Variants in FGFR2 observed in about 807,000 individuals in gnomAD.
FGFR2 encodes the protein fibroblast growth factor receptor 2.
A neutral mutation model predicts 95.9 loss-of-function variants in FGFR2; 19 were observed. That is an observed-to-expected ratio of 0.20 (90% CI 0.14 to 0.29). FGFR2 has a LOEUF of 0.29. Among genes scored for constraint, FGFR2 ranks in the 10% least tolerant of loss-of-function variants. The pLI is 1.00. For missense variants in FGFR2, 707 were observed against 1,056.9 expected (o/e 0.67, Z 4.59); for synonymous variants, 392 against 393.3 (o/e 1.00, Z 0.04).
At chr10:121,554,278 T>G (rs1007519341) in intron 4 of FGFR2, among the ~76,000 whole-genome samples, 14 of 151,712 alleles carry the variant, frequency 9.2e-5, no homozygotes, top group African/African-American at 3.1e-4. Context: ...AGCCTCTCTT[T>G]AAATATCAAG....
At chr10:121,568,224 G>A (rs1283440622) in intron 2 of FGFR2, among the ~76,000 whole-genome samples, 1 of 152,152 alleles carries the variant, frequency 6.6e-6, no homozygotes, top group Non-Finnish European at 1.5e-5. Flanking sequence ...CATGAGAGCT[G>A]AAGGGGCCCC....
At chr10:121,493,979 A>C (rs914716625) in intron 13 of FGFR2, among the ~76,000 whole-genome samples, 4 of 151,260 alleles carry the variant, frequency 2.6e-5, no homozygotes, top group Non-Finnish European at 5.9e-5. Context: ...CATTATCCCA[A>C]GAGCAAAATA....
At chr10:121,577,172 TATATATAG>T (rs1466150428) in intron 2 of FGFR2, among the ~76,000 whole-genome samples, 1 of 3,154 alleles carries the variant, frequency 3.2e-4, no homozygotes, top group African/African-American at 1.4e-3. Flanking sequence ...TATATATATA[TATATATAG>T]AGAGAGAGAG....
At chr10:121,576,740 C>T (rs1243354637) in intron 2 of FGFR2, among the ~76,000 whole-genome samples, 2 of 152,100 alleles carry the variant, frequency 1.3e-5, no homozygotes, top group Non-Finnish European at 2.9e-5. Context: ...TCTCAACAGA[C>T]AGCTATACCC....
At chr10:121,512,162 C>T (rs1387483520) in intron 9 of FGFR2, among the ~76,000 whole-genome samples, 1 of 152,188 alleles carries the variant, frequency 6.6e-6, no homozygotes, top group African/African-American at 2.4e-5. Flanking sequence ...CTTGACACAT[C>T]TGATTAGAGG....
Position 121,485,291 on chromosome 10 carries a change from A to G in FGFR2, c.2195+104T>C, listed in dbSNP as rs1845262587. ...GAGCTTCAGCCATTCTTCTTAGAGC[A>G]TGTTTAGGAAACCAGGGGCCTTCAA... is the stretch of plus-strand genomic sequence containing the variant. On this transcript the variant is annotated intron_variant, in intron 16 of 17. Transcript: ENST00000358487. The surrounding 1 kb of genome is among the most constrained non-coding windows in gnomAD (Gnocchi z 4.2). The G allele has an allele frequency of 1.3e-6, 2 of 1,487,266 alleles. No homozygotes were observed. The highest frequency in any genetic ancestry group is 1.9e-6 in the Non-Finnish European group (2 of 1,067,548). 92.1% of individuals were successfully genotyped at this position (1,487,266 alleles called of 1,614,324 possible). A position where few individuals can be genotyped will look rare whatever the true frequency, so the allele number is the denominator to read the frequency against.
chr10:121,572,286 C>T (rs2135230185), intron 2 of FGFR2, among the ~76,000 whole-genome samples: 1 of 152,152 alleles, frequency 6.6e-6, no homozygotes, highest in South Asian at 2.1e-4. Flanking sequence ...CCACTGCATT[C>T]CTGCCTGGGT....
chr10:121,592,438 C>A (rs1239965409), intron 2 of FGFR2, among the ~76,000 whole-genome samples: 1 of 152,126 alleles, frequency 6.6e-6, no homozygotes, highest in Non-Finnish European at 1.5e-5. Flanking sequence ...GAGATGTCAC[C>A]ACACCTGTTA....
chr10:121,573,220 G>A (rs1299986847), intron 2 of FGFR2, among the ~76,000 whole-genome samples: 1 of 152,214 alleles, frequency 6.6e-6, no homozygotes, highest in Non-Finnish European at 1.5e-5. Flanking sequence ...CCTGAGTCTT[G>A]CCCCGTCCAA....
chr10:121,503,734 T>C, intron 10 of FGFR2, 56 bp downstream of exon 10: 1 of 1,588,540 alleles, frequency 6.3e-7, no homozygotes, highest in Non-Finnish European at 8.6e-7. Context: ...GTTAATCCAA[T>C]ATCCCCATTT....
intron 17 of FGFR2, chr10:121,480,253 CCACGT>C (rs1589694094): frequency 3.2e-6 from 2 of 621,328 alleles, no homozygotes; most frequent in East Asian, 5.7e-5. Flanking sequence ...CTCCCTGAGA[CCACGT>C]CTGATGTACC....
In FGFR2 at chr10:121,520,015, G is replaced by A. The variant is rs768862267; in HGVS notation, c.903C>T (p.Tyr301=). 7 of 1,614,204 alleles carry A rather than the reference G, an allele frequency of 4.3e-6. No homozygotes were observed. Among genetic ancestry groups the A allele is most frequent in the Non-Finnish European group, 2.5e-6 (3 of 1,180,028 alleles). The change falls in exon 7 of 18, where the codon TAC becomes TAT. Residue 301 remains tyrosine (Y), a synonymous_variant. Transcript: ENST00000358487. ...TGAGGTAGGGCAGCCCGTCGGGCCC[G>A]TATTTACTGCCGTTCTTTTCCACGT... ...IKHVEKNGSK[Y]GPDGLPYLKV... is the part of the protein sequence containing the mutation.
At chr10:121,511,248 A>G (rs1849025797) in intron 9 of FGFR2, among the ~76,000 whole-genome samples, 1 of 152,108 alleles carries the variant, frequency 6.6e-6, no homozygotes, top group Non-Finnish European at 1.5e-5. Context: ...TAAGCTGCAC[A>G]GGAGATGAAT....
intron 13 of FGFR2, among the ~76,000 whole-genome samples, chr10:121,489,148 C>A (rs551114570): frequency 1.8e-4 from 28 of 152,292 alleles, no homozygotes; most frequent in Non-Finnish European, 3.8e-4. Context: ...TCTTGGCTCA[C>A]CGCAACCTCC....
chr10:121,570,387 T>G (rs2135195023), intron 2 of FGFR2, among the ~76,000 whole-genome samples: 1 of 152,330 alleles, frequency 6.6e-6, no homozygotes, highest in African/African-American at 2.4e-5. Flanking sequence ...TGTGCCTGCA[T>G]GTGCAAAGGG....
Position 121,564,439 on chromosome 10 carries a change from G to T in FGFR2, c.454+63C>A. On this transcript the variant is annotated intron_variant, in intron 4 of 17. Coordinates refer to ENST00000358487, the MANE Select transcript of FGFR2 (RefSeq NM_000141.5). ...CAGAAGAGTCGACAAGAAGACAGGT[G>T]ACAGGCAGAACTTCCCTCCATGCTC... The T allele has an allele frequency of 2.1e-6, 3 of 1,448,556 alleles. No homozygotes were observed. In the South Asian group the frequency reaches 3.4e-5, roughly 17 times the overall value. The allele number at this position is 1,448,556 out of a possible 1,614,324, so 89.7% of individuals were successfully genotyped here. A position where few individuals can be genotyped will look rare whatever the true frequency, so the allele number is the denominator to read the frequency against.
intron 4 of FGFR2, among the ~76,000 whole-genome samples, chr10:121,555,682 A>T (rs1406370651): frequency 6.6e-6 from 1 of 152,208 alleles, no homozygotes; most frequent in Non-Finnish European, 1.5e-5. Flanking sequence ...CTGGTTAAAG[A>T]ACAGTCAGAC....
intron 5 of FGFR2, among the ~76,000 whole-genome samples, chr10:121,545,298 T>C (rs1854338074): frequency 6.6e-6 from 1 of 152,260 alleles, no homozygotes; most frequent in Admixed American, 6.5e-5. Context: ...ACAGCAACAG[T>C]GTTTTTACAA....
intron 2 of FGFR2, among the ~76,000 whole-genome samples, chr10:121,586,207 T>C (rs1220354129): frequency 1.3e-5 from 2 of 152,208 alleles, no homozygotes; most frequent in Non-Finnish European, 2.9e-5. Flanking sequence ...ATCACGATAA[T>C]TGATATAGAG....
Sources: allele counts gnomAD v4.1 joint callset (sites outside exome capture counted in the v4.1 genomes callset), GRCh38; gene constraint gnomAD v4.1.1; non-coding constraint Gnocchi (gnomAD v3.1); transcripts MANE v1.5; gene names NCBI Gene and HGNC (gene_info 2026-07-23, HGNC 2026-07-21).